Variants in TXNRD2 observed in about 807,000 individuals in gnomAD.
The protein encoded by TXNRD2 is thioredoxin reductase 2, mitochondrial.
In TXNRD2, 67 loss-of-function variants were observed where a neutral mutation model predicts 70.8. The ratio of observed to expected loss-of-function variants is 0.95; its 90% CI spans 0.78 to 1.16. The LOEUF is 1.16. TXNRD2 is among the 50% of genes most tolerant of loss of function. The probability of loss-of-function intolerance (pLI) is 0.00; values close to 1 mark genes in which losing one functional copy is unlikely to be tolerated. For synonymous variants in TXNRD2, 301 were observed against 295.8 expected (o/e 1.02, Z -0.18); for missense variants, 644 against 719.9 (o/e 0.89, Z 1.21).
In TXNRD2 at chr22:19,878,428, C is replaced by G; in HGVS notation, c.1285G>C (p.Ala429Pro). Residue 429 changes from alanine to proline, a missense_variant, in exon 15 of 18, where the codon GCC becomes CCC. Physicochemically the swap from Ala to Pro is conservative, Grantham distance 27 (BLOSUM62 -1). Around this residue, in one of 3 missense-constraint regions of TXNRD2, gnomAD observed 566 missense variants for 645.0 expected, o/e 0.88. Transcript: ENST00000400521. ...HGQEHVEVYHAHYKPLEFTVA... is the reference protein window; with the variant it reads ...HGQEHVEVYHPHYKPLEFTVA... ...GTGAACTCCAGTGGTTTATAATGGG[C>G]GTGATAGACCTGAGGACAGGATACC... 1 of 1,613,604 alleles carries G rather than the reference C, an allele frequency of 6.2e-7. No homozygotes were observed. Among genetic ancestry groups the G allele is most frequent in the Non-Finnish European group, 8.5e-7 (1 of 1,180,010 alleles).
intron 2 of TXNRD2, among the ~76,000 whole-genome samples, chr22:19,925,174 C>T (rs1941086789): frequency 6.6e-6 from 1 of 151,770 alleles, no homozygotes; most frequent in Non-Finnish European, 1.5e-5. Flanking sequence ...GTCCCAGCTA[C>T]TCAGGAGGCT....
chr22:19,894,700 T>A (rs1023041098), intron 11 of TXNRD2: 6 of 192,496 alleles, frequency 3.1e-5, no homozygotes, highest in African/African-American at 1.2e-4. Flanking sequence ...AAAGAAAAAA[T>A]ACATACTGGC....
chr22:19,885,202 T>C (rs1938969620), intron 11 of TXNRD2, among the ~76,000 whole-genome samples: 1 of 152,140 alleles, frequency 6.6e-6, no homozygotes, highest in African/African-American at 2.4e-5. Flanking sequence ...CACAGCAGCT[T>C]TTCCCTCCCA....
chr22:19,878,048 C>A (rs779710319), intron 16 of TXNRD2, 42 bp downstream of exon 16: 15 of 1,538,290 alleles, frequency 9.8e-6, no homozygotes, highest in East Asian at 4.5e-5. Context: ...GAGGGATACC[C>A]AGCTGCACAT....
rs752863555 is a variant in TXNRD2, at chr22:19,919,597, C to G, written c.175G>C (p.Ala59Pro). Reference protein sequence around the residue: ...SGGLACAKEAAQLGRKVAVVD... With the variant: ...SGGLACAKEAPQLGRKVAVVD... ...ACGGCCACCTTCCTTCCCAGCTGGG[C>G]GGCTGGAAGGATAAGGAGAGCAGCA... Residue 59 changes from alanine (A) to proline (P), a missense_variant and splice_region_variant, in exon 3 of 18, where the codon GCC (alanine) becomes CCC (proline). Ala to Pro is a conservative substitution (Grantham distance 27). Coordinates refer to ENST00000400521, the MANE Select transcript of TXNRD2 (RefSeq NM_006440.5). The G allele has an allele frequency of 1.9e-5, 29 of 1,559,198 alleles. No individual in the cohort carries two copies. The highest frequency in any genetic ancestry group is 2.5e-5 in the Non-Finnish European group (29 of 1,152,232).
In TXNRD2 at chr22:19,914,264, T is replaced by C. The variant is rs1209197057; in HGVS notation, c.591+950A>G. 2.0e-5 allele frequency among the ~76,000 whole-genome samples: 3 copies of C among 152,170 alleles called. No individual in the cohort carries two copies. The East Asian group carries it at 5.8e-4, about 29-fold the overall frequency. On this transcript the variant is annotated intron_variant, in intron 7 of 17. Coordinates refer to ENST00000400521, the MANE Select transcript of TXNRD2 (RefSeq NM_006440.5). ...GCTCCTAAGTGTAACCCAAGAGAAG[T>C]GAAAACTGAAGTCCACCAAAAAACT...
chr22:19,907,539 G>A (rs1343385993), intron 8 of TXNRD2, among the ~76,000 whole-genome samples: 10 of 33,684 alleles, frequency 3.0e-4, no homozygotes, highest in East Asian at 1.8e-3. Context: ...GGGCGCCGTG[G>A]GTAGCAGTGA....
intron 5 of TXNRD2, chr22:19,916,207 C>T: frequency 3.0e-6 from 1 of 328,460 alleles, no homozygotes; most frequent in Non-Finnish European, 5.9e-6. Context: ...AGCTGTGGTG[C>T]CCACCAGATG....
chr22:19,908,589 G>A (rs972553929), intron 8 of TXNRD2, among the ~76,000 whole-genome samples: 2 of 152,324 alleles, frequency 1.3e-5, no homozygotes, highest in South Asian at 4.1e-4. Flanking sequence ...ACAGGATGGA[G>A]GTTCCTCAAG....
chr22:19,898,636 TCC>T, intron 9 of TXNRD2, among the ~76,000 whole-genome samples: 1 of 148,082 alleles, frequency 6.8e-6, no homozygotes, highest in East Asian at 2.1e-4. Context: ...TGCCTCAGCC[TCC>T]CAAGTAGCTG....
intron 11 of TXNRD2, among the ~76,000 whole-genome samples, chr22:19,887,097 T>C (rs1939066284): frequency 6.6e-6 from 1 of 152,268 alleles, no homozygotes. Context: ...CACGTGTTTA[T>C]GAACTGTATT....
At chr22:19,907,493 CA>C (rs1940103879) in intron 8 of TXNRD2, among the ~76,000 whole-genome samples, 1 of 41,912 alleles carries the variant, frequency 2.4e-5, no homozygotes. Context: ...AGTGTGGGTG[CA>C]CCGTGGGTAG....
chr22:19,905,561 C>T (rs961557262), intron 8 of TXNRD2, among the ~76,000 whole-genome samples: 5 of 152,138 alleles, frequency 3.3e-5, no homozygotes, highest in Non-Finnish European at 7.4e-5. Flanking sequence ...ACAGGCACAA[C>T]GAGGGTGGTG....
At chr22:19,898,013 G>A (rs757151752) in intron 10 of TXNRD2, 26 bp downstream of exon 10, 1 of 1,543,192 alleles carries the variant, frequency 6.5e-7, no homozygotes, top group Non-Finnish European at 8.7e-7. Context: ...AGCCACAGGG[G>A]CGGGAGCTGG....
chr22:19,877,543 C>A (rs1409329095), intron 16 of TXNRD2, among the ~76,000 whole-genome samples: 2 of 152,156 alleles, frequency 1.3e-5, no homozygotes, highest in African/African-American at 2.4e-5. Context: ...TCTGCTTTAC[C>A]CACAGACAGC....
intron 7 of TXNRD2, 102 bp from the exon 8 acceptor site, chr22:19,911,549 C>CCTGTG: frequency 1.1e-6 from 1 of 888,060 alleles, no homozygotes; most frequent in Non-Finnish European, 1.9e-6. Context: ...CAGAGCTTTC[C>CCTGTG]CAGGGCACAC....
intron 11 of TXNRD2, chr22:19,887,716 A>G (rs772130797): frequency 6.6e-6 from 1 of 152,318 alleles, no homozygotes; most frequent in Non-Finnish European, 1.5e-5. Flanking sequence ...CTGCCCTCCA[A>G]GAGGATCATC....
intron 10 of TXNRD2, 42 bp from the exon 11 acceptor site, chr22:19,895,623 G>A (rs376368800): frequency 2.9e-4 from 463 of 1,600,442 alleles, no homozygotes; most frequent in Middle Eastern, 1.5e-3. Flanking sequence ...CCAGGTGGCC[G>A]TGGGAGAGAG....
chr22:19,901,424 C>T (rs1466571932), intron 8 of TXNRD2, among the ~76,000 whole-genome samples: 6 of 152,184 alleles, frequency 3.9e-5, no homozygotes, highest in African/African-American at 1.2e-4. Context: ...ATCCTTGACC[C>T]TATGTGTTCG....
Sources: allele counts gnomAD v4.1 joint callset (sites outside exome capture counted in the v4.1 genomes callset), GRCh38; gene constraint gnomAD v4.1.1; regional missense constraint gnomAD v4.1.1; transcripts MANE v1.5; gene names NCBI Gene and HGNC (gene_info 2026-07-23, HGNC 2026-07-21).